Variants in METTL21C observed in about 807,000 individuals in gnomAD.
METTL21C encodes the protein methyltransferase 21C, AARS1 lysine, also known as protein-lysine methyltransferase METTL21C.
Under a neutral mutation model 25.9 loss-of-function variants are expected in METTL21C, and 21 were observed. The ratio of observed to expected loss-of-function variants is 0.81; its 90% CI spans 0.58 to 1.17. The LOEUF (loss-of-function observed/expected upper bound fraction) is 1.17, where lower values mean the gene tolerates loss of function less well. Among genes scored for constraint, METTL21C ranks in the 50% most tolerant of loss-of-function variants. The probability of loss-of-function intolerance (pLI) is 0.00; values close to 1 mark genes in which losing one functional copy is unlikely to be tolerated. For missense variants in METTL21C, 312 were observed against 315.1 expected (o/e 0.99, Z 0.07); for synonymous variants, 125 against 124.7 (o/e 1.00, Z -0.01).
chr13:102,699,291 G>A (rs1414937355), upstream of METTL21C, among the ~76,000 whole-genome samples: 2 of 152,166 alleles, frequency 1.3e-5, no homozygotes, highest in Non-Finnish European at 2.9e-5. Context: ...TAAAGGCAAT[G>A]GAGTTGCACT....
Position 102,686,962 on chromosome 13 carries a change from A to T in METTL21C, c.378T>A (p.Val126=). 3 of 1,614,062 alleles carry T rather than the reference A, an allele frequency of 1.9e-6. No individual in the cohort carries two copies. Among genetic ancestry groups the T allele is most frequent in the Non-Finnish European group, 2.5e-6 (3 of 1,179,918 alleles). ...AACCTAAAATACTGGCCACAATGGA[A>T]ACAAGGCCTGGTCCGGCACCAATTT... ...ILEIGAGPGL[V]SIVASILGAQ... Residue 126 remains valine, a synonymous_variant, in exon 3 of 4, where the codon GTT becomes GTA. Transcript: ENST00000267273.
At chr13:102,699,178 C>G (rs549859526), upstream of METTL21C, among the ~76,000 whole-genome samples, 34 of 152,288 alleles carry the variant, frequency 2.2e-4, no homozygotes, top group African/African-American at 7.9e-4. Flanking sequence ...TCTTCTCACC[C>G]AGTGCATACA....
rs189506671 is a variant in METTL21C at position 102,692,312 on chromosome 13, T to C, written c.131-1348A>G. Among the ~76,000 whole-genome samples the C allele has an allele frequency of 2.5e-3, 376 of 152,208 alleles. 3 individuals carry two copies. Among genetic ancestry groups the C allele is most frequent in the African/African-American group, 8.6e-3 (358 of 41,516 alleles). ...AGGTCGGGGGCAGGGCCTCCGGGTG[T>C]TTCAGGTCTCACTCATTCCATACAC... On this transcript the variant is annotated intron_variant, in intron 1 of 3. Transcript: ENST00000267273.
At chr13:102,699,407 C>G (rs1303218152), upstream of METTL21C, among the ~76,000 whole-genome samples, 2 of 152,162 alleles carry the variant, frequency 1.3e-5, no homozygotes, top group Non-Finnish European at 2.9e-5. Context: ...ACTTGATTGG[C>G]TGTTTCACCA....
chr13:102,689,041 A>T (rs1885755351), intron 2 of METTL21C, among the ~76,000 whole-genome samples: 1 of 152,172 alleles, frequency 6.6e-6, no homozygotes, highest in South Asian at 2.1e-4. Context: ...TACCTTGTTC[A>T]GAATAAAACA....
intron 1 of METTL21C, among the ~76,000 whole-genome samples, chr13:102,691,399 G>A (rs138680319): frequency 0.012 from 1,780 of 151,638 alleles, 31 homozygotes; most frequent in African/African-American, 0.041. Context: ...GCCCAGGCTA[G>A]AGTGCAGTGG....
intron 1 of METTL21C, 118 bp downstream of exon 1, chr13:102,694,251 A>G (rs1885894543): frequency 8.4e-7 from 1 of 1,194,618 alleles, no homozygotes; most frequent in Admixed American, 2.1e-5. Context: ...GCTTCATTAT[A>G]GCAAAAAATC....
At chr13:102,698,701 T>C (rs1885985481), upstream of METTL21C, among the ~76,000 whole-genome samples, 2 of 151,938 alleles carry the variant, frequency 1.3e-5, no homozygotes, top group Non-Finnish European at 1.5e-5. Flanking sequence ...AACTCAGAAC[T>C]CTCGGGGAGA....
At chr13:102,695,860 G>A (rs988150480), upstream of METTL21C, among the ~76,000 whole-genome samples, 1 of 152,292 alleles carries the variant, frequency 6.6e-6, no homozygotes, top group South Asian at 2.1e-4. Context: ...CAAAAAGATA[G>A]TCATCAGTAC....
intron 2 of METTL21C, among the ~76,000 whole-genome samples, chr13:102,690,306 A>T (rs1315117518): frequency 6.6e-6 from 1 of 152,048 alleles, no homozygotes; most frequent in Non-Finnish European, 1.5e-5. Context: ...CTGTAGTCCC[A>T]GCTACTCGGG....
rs79980448 is a variant in METTL21C, at chr13:102,694,278, T to C, written c.130+91A>G. 3,765 of 1,426,768 alleles carry C rather than the reference T, an allele frequency of 2.6e-3. 84 individuals carry two copies. The African/African-American group carries it at 0.047, about 18-fold the overall frequency. The allele number at this position is 1,426,768 out of a possible 1,614,324, so 88.4% of individuals were successfully genotyped here. A position where few individuals can be genotyped will look rare whatever the true frequency, so the allele number is the denominator to read the frequency against. On this transcript the variant is annotated intron_variant, in intron 1 of 3. Transcript: ENST00000267273. ...CAAAAAATCTAATGTTAAAAGGAAA[T>C]GGAAATTCTTGTCACTGAAATTTAC...
the METTL21C span, among the ~76,000 whole-genome samples, chr13:102,702,208 TAGAGAGAG>T: frequency 7.4e-6 from 1 of 134,656 alleles, no homozygotes; most frequent in Non-Finnish European, 1.5e-5. Context: ...TATATATATG[TAGAGAGAG>T]AGAGAGAGAG....
upstream of METTL21C, among the ~76,000 whole-genome samples, chr13:102,696,768 T>C (rs1885952995): frequency 6.6e-6 from 1 of 152,116 alleles, no homozygotes; most frequent in Non-Finnish European, 1.5e-5. Flanking sequence ...AACCAAGAAG[T>C]CTGAATTCCC....
intron 3 of METTL21C, 149 bp downstream of exon 3, chr13:102,686,791 G>A: frequency 1.5e-6 from 1 of 647,628 alleles, no homozygotes. Flanking sequence ...GTAGATAACA[G>A]CAGTAATTCC....
chr13:102,698,446 T>A (rs1336592326), upstream of METTL21C, among the ~76,000 whole-genome samples: 1 of 152,180 alleles, frequency 6.6e-6, no homozygotes, highest in African/African-American at 2.4e-5. Flanking sequence ...AGATTATAGA[T>A]CCCCTTATCT....
At chr13:102,698,566 C>T (rs1595248820), upstream of METTL21C, among the ~76,000 whole-genome samples, 2 of 152,228 alleles carry the variant, frequency 1.3e-5, no homozygotes, top group Middle Eastern at 6.8e-3. Flanking sequence ...TGAAGGACCC[C>T]CCAAGAAGCT....
chr13:102,699,575 C>A (rs2138897287), upstream of METTL21C, among the ~76,000 whole-genome samples: 1 of 152,332 alleles, frequency 6.6e-6, no homozygotes, highest in Admixed American at 6.5e-5. Context: ...AAGGGAGACT[C>A]AGTGGGAATT....
At chr13:102,690,988 G>C in intron 1 of METTL21C, 24 bp from the exon 2 acceptor site, 1 of 1,612,438 alleles carries the variant, frequency 6.2e-7, no homozygotes, top group Non-Finnish European at 8.5e-7. Context: ...AAATAAAATG[G>C]AGTTCATGAT....
At chr13:102,700,484 C>T in the METTL21C span, among the ~76,000 whole-genome samples, 3 of 152,100 alleles carry the variant, frequency 2.0e-5, no homozygotes, top group Admixed American at 6.5e-5. Flanking sequence ...CGGGTAACTG[C>T]CAGGTTTCAT....
Sources: gnomAD v4.1 joint callset for allele counts (sites outside exome capture counted in the v4.1 genomes callset) on GRCh38, gnomAD v4.1.1 for gene constraint, MANE v1.5 for transcripts, NCBI Gene and HGNC (gene_info 2026-07-23, HGNC 2026-07-21) for gene names.